TRIM15: variants seen among roughly 807,000 people sequenced by gnomAD.
The protein encoded by TRIM15 is E3 ubiquitin-protein ligase TRIM15.
A neutral mutation model predicts 35.8 loss-of-function variants in TRIM15; 35 were observed. The ratio of observed to expected loss-of-function variants is 0.98; its 90% CI spans 0.75 to 1.30. The LOEUF is 1.30. Among genes scored for constraint, TRIM15 ranks in the 50% most tolerant of loss-of-function variants. The pLI is 0.00. For missense variants in TRIM15, 590 were observed against 593.5 expected (o/e 0.99, Z 0.06); for synonymous variants, 252 against 249.8 (o/e 1.01, Z -0.08).
chr6:30,167,376 A>G, intron 2 of TRIM15, 105 bp downstream of exon 2: 2 of 911,162 alleles, frequency 2.2e-6, no homozygotes. Context: ...AGAACTGACA[A>G]ACTGTTCTCG....
Position 30,167,204 on chromosome 6 carries a change from T to C in TRIM15, c.410T>C (p.Leu137Pro), listed in dbSNP as rs1773663507. ...CGTCTCAGGAGTCGACTGGAAGCTCTGAGCACGGAGAGAGATGAGATTGAG... is the reference window on the plus strand; with the variant it reads ...CGTCTCAGGAGTCGACTGGAAGCTCCGAGCACGGAGAGAGATGAGATTGAG... ...RDRLRSRLEA[L>P]STERDEIEDV... The change falls in exon 2 of 7, where the codon CTG (leucine) becomes CCG (proline). Residue 137 changes from leucine to proline, a missense_variant. Leu to Pro is a moderately conservative substitution (Grantham distance 98, BLOSUM62 -3). Coordinates refer to ENST00000376694, the MANE Select transcript of TRIM15 (RefSeq NM_033229.3). The C allele has an allele frequency of 6.2e-7, 1 of 1,613,004 alleles. No individual in the cohort carries two copies. The highest frequency in any genetic ancestry group is 1.3e-5 in the African/African-American group (1 of 74,940).
intron 4 of TRIM15, chr6:30,169,584 C>T (rs1235439875): frequency 1.6e-6 from 1 of 612,700 alleles, no homozygotes; most frequent in East Asian, 3.3e-5. Flanking sequence ...CAGTATCTAA[C>T]ACCATTTAAA....
chr6:30,172,233 C>T lies in TRIM15; in HGVS notation c.1282C>T (p.Leu428Phe). ...GGACTACGAGGCGGGGCAGGTGACC[C>T]TCCACAACGCCCAGACCCAGGAGCC... ...ALDYEAGQVT[L>F]HNAQTQEPIF... The change falls in exon 7 of 7, where the codon CTC (leucine) becomes TTC (phenylalanine). Residue 428 changes from leucine (L) to phenylalanine (F), a missense_variant. Leu to Phe is a conservative substitution (Grantham distance 22). Coordinates refer to ENST00000376694, the MANE Select transcript of TRIM15 (RefSeq NM_033229.3). 6.2e-7 allele frequency: 1 copy of T among 1,612,494 alleles called. No homozygotes were observed. Among genetic ancestry groups the T allele is most frequent in the Non-Finnish European group, 8.5e-7 (1 of 1,179,806 alleles).
At chr6:30,170,931 A>G (rs755311943) in intron 5 of TRIM15, 45 bp from the exon 6 acceptor site, 1 of 1,597,232 alleles carries the variant, frequency 6.3e-7, no homozygotes, top group East Asian at 2.2e-5. Flanking sequence ...TGCCTATAAG[A>G]AGTAATAAGT....
rs1173315926 is a variant in TRIM15 at position 30,170,498 on chromosome 6, C to T, written c.732-3C>T. The T allele has an allele frequency of 3.1e-6, 5 of 1,609,508 alleles. No individual in the cohort carries two copies. In the Admixed American group the frequency reaches 8.4e-5, roughly 27 times the overall value. The stretch of plus-strand genomic sequence containing the variant: ...CCTAACTGGTTACCAAACCTGTCTG[C>T]AGGTGTGAGATGAAGACTTTTGTGA... On this transcript the variant is annotated splice_region_variant and splice_polypyrimidine_tract_variant and intron_variant, in intron 4 of 6. Transcript: ENST00000376694.
Position 30,172,373 on chromosome 6 carries a change from A to C in TRIM15, c.*24A>C. The C allele has an allele frequency of 6.4e-7, 1 of 1,571,730 alleles. No individual in the cohort carries two copies. Among genetic ancestry groups the C allele is most frequent in the South Asian group, 1.2e-5 (1 of 84,524 alleles). ...GAAGTGGGGCGCGCGAAGGGCGGCG[A>C]AGCGGAGACGGCGGCTCTCCGGGAT... On this transcript the variant is annotated 3_prime_UTR_variant, in exon 7 of 7. Transcript: ENST00000376694.
In TRIM15 at chr6:30,163,738, C is replaced by A. The variant is rs2523733; in HGVS notation, c.54C>A (p.Leu18=). ...TCCATGAGCTGCCTGCCTGTACCCTCTGTGCGGGGCCGCTGGAGGATGCGG... is the reference window on the plus strand; with the variant it reads ...TCCATGAGCTGCCTGCCTGTACCCTATGTGCGGGGCCGCTGGAGGATGCGG... ...KVVHELPACT[L]CAGPLEDAVT... The change falls in exon 1 of 7, where the codon CTC becomes CTA. Residue 18 remains leucine, a synonymous_variant. Transcript: ENST00000376694. 221,574 of 1,612,800 alleles carry A rather than the reference C, an allele frequency of 0.14. 17,114 individuals are homozygous for A. The highest frequency in any genetic ancestry group is 0.25 in the African/African-American group (18,701 of 75,002).
intron 4 of TRIM15, 89 bp downstream of exon 4, chr6:30,169,352 C>A: frequency 2.0e-6 from 3 of 1,502,476 alleles, no homozygotes; most frequent in East Asian, 2.3e-5. Flanking sequence ...ACCCACTTTG[C>A]CAGGAAAGCA....
chr6:30,172,539 T>A lies in TRIM15; in HGVS notation c.*190T>A. Reference sequence around the variant, plus strand: ...CCTCAGCTCCCTGACGTCCTGAGCCTCCCTGTGACGCTCTGGCCTTCTCTG... The same window carrying A: ...CCTCAGCTCCCTGACGTCCTGAGCCACCCTGTGACGCTCTGGCCTTCTCTG... On this transcript the variant is annotated 3_prime_UTR_variant, in exon 7 of 7. Transcript: ENST00000376694. The A allele has an allele frequency of 1.2e-6, 1 of 861,926 alleles. No individual in the cohort carries two copies. The highest frequency in any genetic ancestry group is 1.8e-6 in the Non-Finnish European group (1 of 545,448). 53.4% of individuals were successfully genotyped at this position (861,926 alleles called of 1,614,324 possible).
chr6:30,165,151 C>T (rs942008374), intron 1 of TRIM15, among the ~76,000 whole-genome samples: 17 of 151,888 alleles, frequency 1.1e-4, no homozygotes, highest in Admixed American at 7.2e-4. Context: ...ATATGCAGAA[C>T]GTGCAGGTTT....
At chr6:30,171,287 C>G (rs577033523) in intron 6 of TRIM15, among the ~76,000 whole-genome samples, 2 of 152,200 alleles carry the variant, frequency 1.3e-5, no homozygotes, top group Admixed American at 1.3e-4. Context: ...TTACCTGACT[C>G]ATAGTAAGTG....
At position 30,170,342 on chromosome 6, in the gene TRIM15, A is replaced by G. The variant is rs147812542; in HGVS notation, c.732-159A>G. 4.5e-4 allele frequency: 265 copies of G among 584,586 alleles called. 1 individual carries two copies. The African/African-American group carries it at 4.6e-3, about 10-fold the overall frequency. 36.2% of individuals were successfully genotyped at this position (584,586 alleles called of 1,614,324 possible). ...TAACTGAAATGCCTACTATTTTAGTAACTACACATTTCCAGCAAAAGTAAA... is the reference window on the plus strand; with the variant it reads ...TAACTGAAATGCCTACTATTTTAGTGACTACACATTTCCAGCAAAAGTAAA... On this transcript the variant is annotated intron_variant, in intron 4 of 6. Coordinates refer to ENST00000376694, the MANE Select transcript of TRIM15 (RefSeq NM_033229.3).
intron 2 of TRIM15, 141 bp downstream of exon 2, chr6:30,167,412 G>A: frequency 1.5e-6 from 1 of 678,716 alleles, no homozygotes; most frequent in Non-Finnish European, 2.5e-6. Flanking sequence ...CTGCACAAAG[G>A]CATTTGGGAT....
intron 1 of TRIM15, among the ~76,000 whole-genome samples, chr6:30,165,209 CCAT>C (rs1252770620): frequency 6.6e-6 from 1 of 151,994 alleles, no homozygotes; most frequent in Non-Finnish European, 1.5e-5. Context: ...ACCCATCAAT[CCAT>C]CATCTACATT....
rs143262243 is a variant in TRIM15 at position 30,171,334 on chromosome 6, G to A, written c.880+326G>A. On this transcript the variant is annotated intron_variant, in intron 6 of 6. Transcript: ENST00000376694. ...TCATCTACTTGTGTAGATATTACTC[G>A]TTGAAAAATACTTATCAAGCCCTAG... Among the ~76,000 whole-genome samples the A allele has an allele frequency of 4.5e-3, 680 of 152,274 alleles. 2 individuals are homozygous for A. The highest frequency in any genetic ancestry group is 0.012 in the African/African-American group (483 of 41,538).
chr6:30,164,986 T>C (rs1321453810), intron 1 of TRIM15, among the ~76,000 whole-genome samples: 2 of 152,162 alleles, frequency 1.3e-5, no homozygotes, highest in Non-Finnish European at 2.9e-5. Flanking sequence ...CTGAGTTGTC[T>C]TATTCATTCC....
chr6:30,167,191 C>A lies in TRIM15; in HGVS notation c.397C>A (p.Arg133=). The A allele has an allele frequency of 6.2e-7, 1 of 1,612,992 alleles. No individual in the cohort carries two copies. Among genetic ancestry groups the A allele is most frequent in the South Asian group, 1.1e-5 (1 of 91,080 alleles). ...CTCCCCACAGGATCGTCTCAGGAGT[C>A]GACTGGAAGCTCTGAGCACGGAGAG... is the stretch of plus-strand genomic sequence containing the variant. The part of the protein sequence containing the change: ...IQPYRDRLRS[R]LEALSTERDE... The change falls in exon 2 of 7, where the codon CGA becomes AGA. Residue 133 remains arginine (R), a synonymous_variant. Coordinates refer to ENST00000376694, the MANE Select transcript of TRIM15 (RefSeq NM_033229.3).
chr6:30,165,240 C>G (rs1123966), intron 1 of TRIM15, among the ~76,000 whole-genome samples: 24,455 of 152,064 alleles, frequency 0.16, 2,277 homozygotes, highest in Middle Eastern at 0.25. Flanking sequence ...TCTCCTAATG[C>G]TATCCCTCCC....
Position 30,170,522 on chromosome 6 carries a change from G to C in TRIM15, c.753G>C (p.Val251=). The C allele has an allele frequency of 6.2e-7, 1 of 1,613,924 alleles. No homozygotes were observed. The highest frequency in any genetic ancestry group is 8.5e-7 in the Non-Finnish European group (1 of 1,179,922). The stretch of plus-strand genomic sequence containing the variant: ...GCAGGTGTGAGATGAAGACTTTTGT[G>C]AGTCCTGAGGCCATTTCTCCTGACC... The part of the protein sequence containing the change: ...NQSRCEMKTF[V]SPEAISPDLV... Residue 251 remains valine (V), a synonymous_variant, in exon 5 of 7, where the codon GTG becomes GTC. Coordinates refer to ENST00000376694, the MANE Select transcript of TRIM15 (RefSeq NM_033229.3).
Sources: gnomAD v4.1 joint callset for allele counts (sites outside exome capture counted in the v4.1 genomes callset) on GRCh38, gnomAD v4.1.1 for gene constraint, MANE v1.5 for transcripts, NCBI Gene and HGNC (gene_info 2026-07-23, HGNC 2026-07-21) for gene names.